SP3: variants seen among roughly 807,000 people sequenced by gnomAD.
The protein encoded by SP3 is Sp3 transcription factor.
A neutral mutation model predicts 70.3 loss-of-function variants in SP3; 10 were observed. The ratio of observed to expected loss-of-function variants is 0.14; its 90% CI spans 0.09 to 0.24. The LOEUF is 0.24. Among genes scored for constraint, SP3 ranks in the 10% least tolerant of loss-of-function variants. The pLI is 1.00. For synonymous variants in SP3, 402 were observed against 333.5 expected (o/e 1.21, Z -2.24); for missense variants, 825 against 914.6 (o/e 0.90, Z 1.26).
Position 173,943,629 on chromosome 2 carries a change from C to T in SP3, c.1639+11244G>A, listed in dbSNP as rs377131952. Among the ~76,000 whole-genome samples, 85 of 152,232 alleles carry T rather than the reference C, an allele frequency of 5.6e-4. 2 individuals are homozygous for T. The South Asian group carries it at 0.017, about 30-fold the overall frequency. ...TAAAGGCATGAACCACTGCTCCCTG[C>T]GCTGCTTTATTTTCTTCATAACACT... On this transcript the variant is annotated intron_variant, in intron 4 of 6. Coordinates refer to ENST00000310015, the MANE Select transcript of SP3 (RefSeq NM_003111.5).
In SP3 at chr2:173,955,792, T is replaced by A; in HGVS notation, c.720A>T (p.Ala240=). Residue 240 remains alanine (A), a synonymous_variant, in exon 4 of 7, where the codon GCA becomes GCT. Coordinates refer to ENST00000310015, the MANE Select transcript of SP3 (RefSeq NM_003111.5). ...GACCAGGAAAAGATGAACCACCAAT[T>A]GCAACTCCCTGAACCTGGACTTGAC... is the stretch of plus-strand genomic sequence containing the variant. The part of the protein sequence containing the change: ...QTGQVQVQGV[A]IGGSSFPGQT... 1.2e-6 allele frequency: 2 copies of A among 1,614,196 alleles called. No homozygotes were observed. The highest frequency in any genetic ancestry group is 2.2e-5 in the East Asian group (1 of 44,882).
chr2:173,942,858 GT>G (rs576944598), intron 4 of SP3, among the ~76,000 whole-genome samples: 1 of 151,962 alleles, frequency 6.6e-6, no homozygotes, highest in Non-Finnish European at 1.5e-5. Context: ...AATCAAAAAT[GT>G]TTTTTTAAAA....
intron 4 of SP3, among the ~76,000 whole-genome samples, chr2:173,948,876 T>C (rs1005575426): frequency 1.3e-5 from 2 of 152,096 alleles, no homozygotes; most frequent in Admixed American, 6.6e-5. Context: ...TTAAAGACCA[T>C]AGCATGCAAT....
Position 173,963,775 on chromosome 2 carries a change from C to A in SP3, c.265G>T (p.Ala89Ser). 7.6e-7 allele frequency: 1 copy of A among 1,324,414 alleles called. No homozygotes were observed. Among genetic ancestry groups the A allele is most frequent in the Non-Finnish European group, 9.8e-7 (1 of 1,021,016 alleles). 82.0% of individuals were successfully genotyped at this position (1,324,414 alleles called of 1,614,324 possible). The change falls in exon 3 of 7, where the codon GCC becomes TCC. Residue 89 changes from alanine (A) to serine (S), a missense_variant. Coordinates refer to ENST00000310015, the MANE Select transcript of SP3 (RefSeq NM_003111.5). ...EEAAAAAGAP[A>S]AAGATGDLAS... ...GCGGGACTTACCGCTCCGGCGGCGG[C>A]GGGGGCCCCGGCTGCGGCGGCCGCC...
At chr2:173,949,772 A>G (rs1690661649) in intron 4 of SP3, among the ~76,000 whole-genome samples, 1 of 152,220 alleles carries the variant, frequency 6.6e-6, no homozygotes, top group African/African-American at 2.4e-5. Context: ...AATTCTAAAC[A>G]TTAAGTTGTT....
At chr2:173,912,417 G>T (rs4494814) in intron 6 of SP3, among the ~76,000 whole-genome samples, 109,277 of 152,118 alleles carry the variant, frequency 0.72, 40,222 homozygotes, top group African/African-American at 0.85. Flanking sequence ...TAAATACATA[G>T]TTTTCAATTC....
At chr2:173,942,065 C>T (rs970638603) in intron 4 of SP3, among the ~76,000 whole-genome samples, 1 of 152,192 alleles carries the variant, frequency 6.6e-6, no homozygotes, top group Non-Finnish European at 1.5e-5. Context: ...AATATGATTT[C>T]CCAAGTTCTT....
chr2:173,936,770 G>A (rs1483348601), intron 4 of SP3, among the ~76,000 whole-genome samples: 1 of 151,510 alleles, frequency 6.6e-6, no homozygotes. Flanking sequence ...ACCATTTTTG[G>A]AGAAACACTT....
intron 6 of SP3, among the ~76,000 whole-genome samples, chr2:173,912,726 A>G (rs547923087): frequency 6.9e-6 from 1 of 145,742 alleles, no homozygotes; most frequent in African/African-American, 2.5e-5. Context: ...TACAGTGTTA[A>G]GAGGAAAGAA....
chr2:173,937,185 C>A (rs1394677599), intron 4 of SP3, among the ~76,000 whole-genome samples: 1 of 152,134 alleles, frequency 6.6e-6, no homozygotes, highest in African/African-American at 2.4e-5. Context: ...AGTTCTTGAG[C>A]CTTTATTAAC....
intron 6 of SP3, 90 bp from the exon 7 acceptor site, chr2:173,910,347 T>C: frequency 9.2e-7 from 1 of 1,091,388 alleles, no homozygotes; most frequent in Non-Finnish European, 1.4e-6. Flanking sequence ...AAGTCAACGC[T>C]GACAGGTGAG....
intron 4 of SP3, among the ~76,000 whole-genome samples, chr2:173,953,647 A>G (rs1325464418): frequency 6.6e-6 from 1 of 152,120 alleles, no homozygotes; most frequent in Non-Finnish European, 1.5e-5. Flanking sequence ...TTCAGGAGCT[A>G]ATCCCAGTTA....
chr2:173,945,491 A>G (rs1329089246), intron 4 of SP3, among the ~76,000 whole-genome samples: 1 of 152,234 alleles, frequency 6.6e-6, no homozygotes, highest in Non-Finnish European at 1.5e-5. Context: ...TTAATATCCC[A>G]GACATATAAA....
rs1445116029 is a variant in SP3, at chr2:173,906,672, A to C, written c.*3269T>G. 1 of 152,214 alleles carries C rather than the reference A, an allele frequency of 6.6e-6. No individual in the cohort carries two copies. Among genetic ancestry groups the C allele is most frequent in the African/African-American group, 2.4e-5 (1 of 41,446 alleles). 9.4% of individuals were successfully genotyped at this position (152,214 alleles called of 1,614,324 possible). Reference sequence around the variant, plus strand: ...TTGAACACAATACAAATTTTTCATAAAACAAAACTTTTGGGTCTGAGTAGG... The same window carrying C: ...TTGAACACAATACAAATTTTTCATACAACAAAACTTTTGGGTCTGAGTAGG... On this transcript the variant is annotated 3_prime_UTR_variant, in exon 7 of 7. Transcript: ENST00000310015.
rs896018250 is a variant in SP3, at chr2:173,906,398, C to A, written c.*3543G>T. On this transcript the variant is annotated 3_prime_UTR_variant, in exon 7 of 7. Transcript: ENST00000310015. ...AATATCAAATTTGTACCAAAGATAT[C>A]AATTAATTTGTTTTGTGCTTATTGT... 6.6e-6 allele frequency: 1 copy of A among 152,106 alleles called. No individual in the cohort carries two copies. Among genetic ancestry groups the A allele is most frequent in the Admixed American group, 6.5e-5 (1 of 15,270 alleles). The allele number at this position is 152,106 out of a possible 1,614,324, so 9.4% of individuals were successfully genotyped here. A position where few individuals can be genotyped will look rare whatever the true frequency, so the allele number is the denominator to read the frequency against.
intron 3 of SP3, among the ~76,000 whole-genome samples, chr2:173,956,443 G>A (rs1334339911): frequency 6.6e-6 from 1 of 151,794 alleles, no homozygotes; most frequent in African/African-American, 2.4e-5. Context: ...TATTTGAGTG[G>A]GATAAAAAAA....
rs1389454131 is a variant in SP3, at chr2:173,904,442, A to AG, written c.*5498dup. Among the ~76,000 whole-genome samples the AG allele has an allele frequency of 1.3e-5, 2 of 152,168 alleles. No homozygotes were observed. Among genetic ancestry groups the AG allele is most frequent in the Non-Finnish European group, 2.9e-5 (2 of 68,038 alleles). On this transcript the variant is annotated 3_prime_UTR_variant, in exon 7 of 7. Coordinates refer to ENST00000310015, the MANE Select transcript of SP3 (RefSeq NM_003111.5). ...AACTAAGTTGGGGAGTCTCTCTGTA[A>AG]GGTTTTAAGGCTATCTTGTGGAACC...
chr2:173,954,756 A>T, intron 4 of SP3, 117 bp downstream of exon 4: 1 of 893,674 alleles, frequency 1.1e-6, no homozygotes, highest in Non-Finnish European at 1.7e-6. Context: ...ATTTTCATAC[A>T]AACATTGATC....
chr2:173,931,293 C>A (rs1014256917), intron 4 of SP3, among the ~76,000 whole-genome samples: 2 of 152,094 alleles, frequency 1.3e-5, no homozygotes, highest in Admixed American at 1.3e-4. Flanking sequence ...CTTTGGGATG[C>A]CAAGGCGAGC....
Sources: gnomAD v4.1 joint callset for allele counts (sites outside exome capture counted in the v4.1 genomes callset) on GRCh38, gnomAD v4.1.1 for gene constraint, MANE v1.5 for transcripts, NCBI Gene and HGNC (gene_info 2026-07-23, HGNC 2026-07-21) for gene names.